The following AKR1D1 variants were observed in gnomAD, a reference collection of about 807,000 sequenced individuals.
AKR1D1 encodes the protein delta(4)-3-ketosteroid 5-beta-reductase.
Under a neutral mutation model 42.6 loss-of-function variants are expected in AKR1D1, and 32 were observed. That is an observed-to-expected ratio of 0.75 (90% CI 0.57 to 1.01). AKR1D1 has a LOEUF of 1.01. Among genes scored for constraint, AKR1D1 ranks in the 50% least tolerant of loss-of-function variants. AKR1D1 has a pLI of 0.00. For synonymous variants in AKR1D1, 123 were observed against 135.5 expected (o/e 0.91, Z 0.64); for missense variants, 364 against 402.2 (o/e 0.91, Z 0.81).
intron 4 of AKR1D1, among the ~76,000 whole-genome samples, chr7:138,102,362 G>A (rs1055245346): frequency 6.6e-6 from 1 of 152,082 alleles, no homozygotes; most frequent in African/African-American, 2.4e-5. Context: ...GAGCCTAGGA[G>A]TTCAAGACCA....
Position 138,088,698 on chromosome 7 carries a change from T to G in AKR1D1, c.191T>G (p.Val64Gly), listed in dbSNP as rs753733703. The change falls in exon 2 of 9, where the codon GTT (valine) becomes GGT (glycine). Residue 64 changes from valine to glycine, a missense_variant. By Grantham distance (109) the Val-to-Gly change is moderately radical. Coordinates refer to ENST00000242375, the MANE Select transcript of AKR1D1 (RefSeq NM_005989.4). ...TACATCTACCAAAATGAACACGAAG[T>G]TGGGGAGGCCATCAGGGAGAAGATA... ...GAYIYQNEHEVGEAIREKIAE... is the reference protein window; with the variant it reads ...GAYIYQNEHEGGEAIREKIAE... The G allele has an allele frequency of 6.2e-7, 1 of 1,613,640 alleles. No homozygotes were observed. The highest frequency in any genetic ancestry group is 1.3e-5 in the African/African-American group (1 of 74,876).
chr7:138,084,511 G>GCCAGCAAAAT (rs1404970381), intron 1 of AKR1D1, among the ~76,000 whole-genome samples: 4 of 151,692 alleles, frequency 2.6e-5, no homozygotes, highest in African/African-American at 9.7e-5. Context: ...GTGCCACTGC[G>GCCAGCAAAAT]CCAGCATAAT....
intron 4 of AKR1D1, among the ~76,000 whole-genome samples, chr7:138,100,699 CTTTTT>C (rs749956421): frequency 4.5e-5 from 4 of 88,402 alleles, no homozygotes; most frequent in African/African-American, 9.1e-5. Flanking sequence ...GTCAGAGATT[CTTTTT>C]TTTTTTTTTT....
At chr7:138,090,636 CA>C (rs201055784) in intron 2 of AKR1D1, among the ~76,000 whole-genome samples, 21,339 of 91,332 alleles carry the variant, frequency 0.23, 1,796 homozygotes, top group African/African-American at 0.34. Flanking sequence ...GACCCCGTCT[CA>C]AAAAAAAAAA....
In AKR1D1 at chr7:138,115,464, A is replaced by G. The variant is rs138940916; in HGVS notation, c.939-1156A>G. Among the ~76,000 whole-genome samples the G allele has an allele frequency of 6.5e-4, 99 of 152,266 alleles. 1 individual carries two copies. Among genetic ancestry groups the G allele is most frequent in the Admixed American group, 1.4e-3 (21 of 15,286 alleles). ...AAAACAAACAAACAAAAACAGTATA[A>G]TCAATCCACCAATGTACTAATTGTT... On this transcript the variant is annotated intron_variant, in intron 8 of 8. Coordinates refer to ENST00000242375, the MANE Select transcript of AKR1D1 (RefSeq NM_005989.4).
At chr7:138,100,699 C>CTTTTTTTTTTTTTTT in intron 4 of AKR1D1, among the ~76,000 whole-genome samples, 1 of 88,392 alleles carries the variant, frequency 1.1e-5, no homozygotes, top group Non-Finnish European at 2.0e-5. Flanking sequence ...GTCAGAGATT[C>CTTTTTTTTTTTTTTT]TTTTTTTTTT....
intron 1 of AKR1D1, among the ~76,000 whole-genome samples, chr7:138,082,054 C>T (rs1380947073): frequency 1.3e-5 from 2 of 152,186 alleles, no homozygotes; most frequent in East Asian, 3.9e-4. Flanking sequence ...AGCACGTGTT[C>T]CAAGGCAGCA....
intron 4 of AKR1D1, chr7:138,098,263 C>A: frequency 1.2e-5 from 3 of 240,704 alleles, no homozygotes; most frequent in Non-Finnish European, 2.4e-5. Context: ...AAATATATAT[C>A]AAGTTGTTAA....
intron 7 of AKR1D1, among the ~76,000 whole-genome samples, chr7:138,111,860 A>C (rs1458044832): frequency 6.6e-6 from 1 of 152,228 alleles, no homozygotes; most frequent in Non-Finnish European, 1.5e-5. Flanking sequence ...TATGCTTGAC[A>C]AAATTACATA....
intron 3 of AKR1D1, among the ~76,000 whole-genome samples, chr7:138,092,847 G>A (rs758290531): frequency 9.2e-5 from 14 of 152,212 alleles, no homozygotes; most frequent in Admixed American, 1.3e-4. Flanking sequence ...GATGAGTCAC[G>A]GAGTAAGTGG....
At chr7:138,104,037 G>A (rs976879546) in intron 4 of AKR1D1, among the ~76,000 whole-genome samples, 3 of 152,018 alleles carry the variant, frequency 2.0e-5, no homozygotes, top group Non-Finnish European at 2.9e-5. Context: ...TACTCAAGAG[G>A]CTAAAGAGGG....
intron 1 of AKR1D1, among the ~76,000 whole-genome samples, chr7:138,085,159 A>G (rs1803146798): frequency 6.6e-6 from 1 of 151,886 alleles, no homozygotes; most frequent in African/African-American, 2.4e-5. Flanking sequence ...ATAGTAATAC[A>G]TCTCACTGCT....
chr7:138,105,901 C>CA (rs796444469), intron 5 of AKR1D1, among the ~76,000 whole-genome samples: 6 of 136,004 alleles, frequency 4.4e-5, no homozygotes, highest in African/African-American at 8.6e-5. Context: ...ACAACAACAA[C>CA]AAAAAAAAAT....
At chr7:138,115,091 G>A (rs1353640580) in intron 8 of AKR1D1, among the ~76,000 whole-genome samples, 1 of 152,132 alleles carries the variant, frequency 6.6e-6, no homozygotes, top group Admixed American at 6.5e-5. Flanking sequence ...ACAGTTATAG[G>A]TTAATTAATA....
chr7:138,081,528 TTTTTTTTTTTTTTTG>T (rs1803056916), intron 1 of AKR1D1, among the ~76,000 whole-genome samples: 2 of 130,350 alleles, frequency 1.5e-5, no homozygotes, highest in Admixed American at 7.9e-5. Flanking sequence ...TTTTTTTTTT[TTTTTTTTTTTTTTTG>T]AGACAGACTT....
chr7:138,116,385 T>A (rs1794633243), intron 8 of AKR1D1, among the ~76,000 whole-genome samples: 2 of 152,146 alleles, frequency 1.3e-5, no homozygotes, highest in East Asian at 3.9e-4. Flanking sequence ...AGTAAAATGT[T>A]GATAAGGTGG....
In AKR1D1 at chr7:138,091,824, C is replaced by T. The variant is rs760738008; in HGVS notation, c.318C>T (p.Leu106=). ...EMVRPTLERT[L]RVLQLDYVDL... ...TCCGCCCAACCCTGGAGAGGACACT[C>T]AGGGTCCTCCAGCTAGATTATGTGG... The change falls in exon 3 of 9, where the codon CTC becomes CTT. Residue 106 remains leucine, a synonymous_variant. Coordinates refer to ENST00000242375, the MANE Select transcript of AKR1D1 (RefSeq NM_005989.4). 1.2e-6 allele frequency: 2 copies of T among 1,614,144 alleles called. No individual in the cohort carries two copies. Among genetic ancestry groups the T allele is most frequent in the South Asian group, 2.2e-5 (2 of 91,080 alleles).
chr7:138,081,268 G>A (rs911023403), intron 1 of AKR1D1, among the ~76,000 whole-genome samples: 1 of 152,042 alleles, frequency 6.6e-6, no homozygotes, highest in African/African-American at 2.4e-5. Flanking sequence ...GTTTCCTGAG[G>A]TGTTAAGTCA....
chr7:138,107,122 C>A, intron 6 of AKR1D1: 1 of 582,830 alleles, frequency 1.7e-6, no homozygotes, highest in South Asian at 1.6e-5. Context: ...ATTTCTTCCA[C>A]TTCAGTCTTC....
Sources: allele counts gnomAD v4.1 joint callset (sites outside exome capture counted in the v4.1 genomes callset), GRCh38; gene constraint gnomAD v4.1.1; transcripts MANE v1.5; gene names NCBI Gene and HGNC (gene_info 2026-07-23, HGNC 2026-07-21).